Variants in COL21A1 observed in about 807,000 individuals in gnomAD.
COL21A1 encodes collagen type XXI alpha 1 chain.
Under a neutral mutation model 137.9 loss-of-function variants are expected in COL21A1, and 149 were observed. The observed-to-expected ratio is 1.08, with a 90% confidence interval of 0.95 to 1.24. The LOEUF (loss-of-function observed/expected upper bound fraction) is 1.24, where lower values mean the gene tolerates loss of function less well. Among genes scored for constraint, COL21A1 ranks in the 50% most tolerant of loss-of-function variants. The pLI is 0.00. For missense variants in COL21A1, 1,167 were observed against 1,158.4 expected, an observed-to-expected ratio of 1.01 and a Z score of -0.11; for synonymous variants, 456 against 391.5, an observed-to-expected ratio of 1.16 and a Z score of -1.95.
At chr6:56,273,766 T>C (rs1464655173) in intron 1 of COL21A1, among the ~76,000 whole-genome samples, 1 of 152,166 alleles carries the variant, frequency 6.6e-6, no homozygotes, top group Non-Finnish European at 1.5e-5. Flanking sequence ...GATAGATTCC[T>C]AGCCAAATTC....
chr6:56,210,630 GA>G (rs1302770462), intron 1 of COL21A1, among the ~76,000 whole-genome samples: 1 of 152,092 alleles, frequency 6.6e-6, no homozygotes, highest in East Asian at 1.9e-4. Context: ...AGTAGAATAA[GA>G]CATATATTCC....
chr6:56,190,962 A>G (rs1778633138), intron 1 of COL21A1, among the ~76,000 whole-genome samples: 1 of 152,224 alleles, frequency 6.6e-6, no homozygotes, highest in African/African-American at 2.4e-5. Context: ...ATCTTAAAAT[A>G]GTAAAGCTAT....
Position 56,107,427 on chromosome 6 carries a change from G to GA in COL21A1, c.1759-5903dup, listed in dbSNP as rs556628156. On this transcript the variant is annotated intron_variant, in intron 16 of 29. Coordinates refer to ENST00000244728, the MANE Select transcript of COL21A1 (RefSeq NM_030820.4). The stretch of plus-strand genomic sequence containing the variant: ...AACTATAATTCAAAAGAACATTCCA[G>GA]AAAAAAAAAAATCCCTGAATCTTCC... 5.7e-3 allele frequency among the ~76,000 whole-genome samples: 831 copies of GA among 145,848 alleles called. 5 individuals carry two copies. Among genetic ancestry groups the GA allele is most frequent in the African/African-American group, 0.016 (627 of 39,996 alleles).
intron 16 of COL21A1, among the ~76,000 whole-genome samples, chr6:56,118,410 T>A (rs1468332379): frequency 1.3e-5 from 2 of 151,910 alleles, no homozygotes; most frequent in Admixed American, 1.3e-4. Flanking sequence ...AAAGGACCAA[T>A]AACAAGTAAC....
chr6:56,338,138 T>C (rs191875990), intron 1 of COL21A1, among the ~76,000 whole-genome samples: 200 of 151,970 alleles, frequency 1.3e-3, no homozygotes, highest in African/African-American at 4.6e-3. Context: ...AATTTTTGTA[T>C]TTTTTTAGTA....
At chr6:56,173,412 G>C (rs77593705) in intron 3 of COL21A1, among the ~76,000 whole-genome samples, 9,983 of 149,644 alleles carry the variant, frequency 0.067, 389 homozygotes, top group Admixed American at 0.11. Context: ...GGAAGGGAAA[G>C]AAAGGGAAGG....
chr6:56,303,306 A>G (rs1764349351), intron 1 of COL21A1, among the ~76,000 whole-genome samples: 1 of 152,176 alleles, frequency 6.6e-6, no homozygotes, highest in Non-Finnish European at 1.5e-5. Flanking sequence ...CATTGAATCT[A>G]TAAATTACCT....
chr6:56,331,583 G>C (rs1765225895), intron 1 of COL21A1, among the ~76,000 whole-genome samples: 1 of 151,924 alleles, frequency 6.6e-6, no homozygotes, highest in South Asian at 2.1e-4. Context: ...AGATCAGTTG[G>C]TTGTATGTAT....
intron 17 of COL21A1, among the ~76,000 whole-genome samples, chr6:56,090,324 T>C (rs1768681513): frequency 6.6e-6 from 1 of 152,204 alleles, no homozygotes; most frequent in Non-Finnish European, 1.5e-5. Context: ...CAATGTTACT[T>C]TATGTTATTG....
rs536400282 is a variant in COL21A1 at position 56,219,618 on chromosome 6, A to C, written c.-39+27769T>G. Among the ~76,000 whole-genome samples, 5 of 152,302 alleles carry C rather than the reference A, an allele frequency of 3.3e-5. No individual in the cohort carries two copies. In the South Asian group the frequency reaches 8.3e-4, roughly 25 times the overall value. ...TGGTTTACAAAACTGTTATTAACAA[A>C]AAAATTGCAATAAAGCATCTACTGC... is the stretch of plus-strand genomic sequence containing the variant. On this transcript the variant is annotated intron_variant, in intron 1 of 29. Coordinates refer to ENST00000244728, the MANE Select transcript of COL21A1 (RefSeq NM_030820.4).
intron 17 of COL21A1, 90 bp from the exon 18 acceptor site, chr6:56,077,663 G>T: frequency 1.4e-6 from 1 of 705,016 alleles, no homozygotes. Context: ...ATTTTAACTG[G>T]TAAATAACAT....
At position 56,169,828 on chromosome 6, in the gene COL21A1, T is replaced by C. The variant is rs574586868; in HGVS notation, c.1026+821A>G. Among the ~76,000 whole-genome samples the C allele has an allele frequency of 6.6e-5, 10 of 152,114 alleles. No homozygotes were observed. In the East Asian group the frequency reaches 1.7e-3, roughly 26 times the overall value. On this transcript the variant is annotated intron_variant, in intron 5 of 29. Transcript: ENST00000244728. ...AATATCCTATTGTAAATACGCTCTT[T>C]GAAGGTAAGAAACATGCCTTATTCA...
At chr6:56,126,242 C>T (rs147386782) in intron 12 of COL21A1, 93 bp from the exon 13 acceptor site, 5 of 751,842 alleles carry the variant, frequency 6.7e-6, no homozygotes, top group African/African-American at 1.8e-5. Context: ...TGTCAAAATC[C>T]ACTTCAAATC....
intron 1 of COL21A1, among the ~76,000 whole-genome samples, chr6:56,281,865 C>T (rs932584749): frequency 6.6e-6 from 1 of 152,128 alleles, no homozygotes; most frequent in Non-Finnish European, 1.5e-5. Flanking sequence ...CTCATCACCA[C>T]AAGAAGAAGT....
At chr6:56,268,531 C>A (rs560541678) in intron 1 of COL21A1, among the ~76,000 whole-genome samples, 1 of 152,308 alleles carries the variant, frequency 6.6e-6, no homozygotes, top group East Asian at 1.9e-4. Context: ...CAAAAATATT[C>A]TGTCAATATA....
intron 1 of COL21A1, among the ~76,000 whole-genome samples, chr6:56,264,039 A>C (rs1156566604): frequency 6.6e-6 from 1 of 152,158 alleles, no homozygotes; most frequent in African/African-American, 2.4e-5. Context: ...GTTCCTTTAT[A>C]GGACAATTCC....
At chr6:56,265,378 T>TGAATCACTAGG (rs1159402717) in intron 1 of COL21A1, among the ~76,000 whole-genome samples, 1 of 152,168 alleles carries the variant, frequency 6.6e-6, no homozygotes, top group African/African-American at 2.4e-5. Flanking sequence ...GTCTGGTCAG[T>TGAATCACTAGG]GTTAGTCCAA....
intron 1 of COL21A1, among the ~76,000 whole-genome samples, chr6:56,335,440 G>A (rs981252887): frequency 6.6e-6 from 1 of 151,992 alleles, no homozygotes; most frequent in East Asian, 1.9e-4. Context: ...TGTAACAATC[G>A]GCCCGAAATA....
rs541663101 is a variant in COL21A1 at position 56,310,495 on chromosome 6, G to A, written c.-39+83476C>T. The stretch of plus-strand genomic sequence containing the variant: ...AGAACCACTGTCTTAAAGGCATACT[G>A]ATGCCTGAAAAGTGGGGAGGTCTAC... On this transcript the variant is annotated intron_variant, in intron 1 of 28. Transcript: ENST00000370819. 2.6e-5 allele frequency among the ~76,000 whole-genome samples: 4 copies of A among 152,308 alleles called. No homozygotes were observed. The East Asian group carries it at 5.8e-4, about 22-fold the overall frequency.
Sources: allele counts gnomAD v4.1 joint callset (sites outside exome capture counted in the v4.1 genomes callset), GRCh38; gene constraint gnomAD v4.1.1; transcripts MANE v1.5; gene names NCBI Gene and HGNC (gene_info 2026-07-23, HGNC 2026-07-21).